The following SLCO3A1 variants were observed in gnomAD, a reference collection of about 807,000 sequenced individuals.
The protein encoded by SLCO3A1 is solute carrier organic anion transporter family member 3A1.
Under a neutral mutation model 63.1 loss-of-function variants are expected in SLCO3A1, and 27 were observed. That is an observed-to-expected ratio of 0.43 (90% CI 0.32 to 0.59). The LOEUF (loss-of-function observed/expected upper bound fraction) is 0.59, where lower values mean the gene tolerates loss of function less well. Ranked by LOEUF, SLCO3A1 falls within the 20% of genes least tolerant of loss-of-function variation. The probability of loss-of-function intolerance (pLI) is 0.09; values close to 1 mark genes in which losing one functional copy is unlikely to be tolerated. For missense variants in SLCO3A1, 773 were observed against 945.8 expected (o/e 0.82, Z 2.40); for synonymous variants, 473 against 409.9 (o/e 1.15, Z -1.86).
intron 2 of SLCO3A1, among the ~76,000 whole-genome samples, chr15:92,026,729 A>G (rs1478836246): frequency 1.3e-5 from 2 of 152,196 alleles, no homozygotes; most frequent in Non-Finnish European, 1.5e-5. Flanking sequence ...TTACACTGGT[A>G]AAGATGGATT....
At chr15:91,957,577 G>C (rs1001780712) in intron 2 of SLCO3A1, among the ~76,000 whole-genome samples, 1 of 152,000 alleles carries the variant, frequency 6.6e-6, no homozygotes, top group African/African-American at 2.4e-5. Context: ...ACATTTTGCT[G>C]TTCCCTCTAC....
intron 2 of SLCO3A1, among the ~76,000 whole-genome samples, chr15:91,964,622 G>T (rs1900587434): frequency 6.6e-6 from 1 of 152,122 alleles, no homozygotes; most frequent in South Asian, 2.1e-4. Flanking sequence ...TGTGGACCAG[G>T]CCGGAAGTGG....
intron 2 of SLCO3A1, among the ~76,000 whole-genome samples, chr15:92,056,216 G>T (rs2047019898): frequency 6.6e-6 from 1 of 151,982 alleles, no homozygotes; most frequent in Non-Finnish European, 1.5e-5. Flanking sequence ...AACCACATTT[G>T]TTCAGCCTTT....
intron 2 of SLCO3A1, among the ~76,000 whole-genome samples, chr15:92,059,055 G>A (rs2047055304): frequency 1.3e-5 from 2 of 152,182 alleles, no homozygotes; most frequent in Non-Finnish European, 2.9e-5. Flanking sequence ...GTATCTGTTT[G>A]AAGGCACTAT....
chr15:92,026,739 T>G (rs907188285), intron 2 of SLCO3A1, among the ~76,000 whole-genome samples: 1 of 152,184 alleles, frequency 6.6e-6, no homozygotes, highest in East Asian at 1.9e-4. Context: ...AAAGATGGAT[T>G]CTGAAAACAA....
At chr15:92,087,511 C>CTAT (rs931355916) in intron 2 of SLCO3A1, among the ~76,000 whole-genome samples, 2 of 144,310 alleles carry the variant, frequency 1.4e-5, no homozygotes, top group African/African-American at 5.3e-5. Flanking sequence ...CTTTTATTAT[C>CTAT]TATTATTTTT....
chr15:92,107,944 GGTCAGTGTC>G (rs2151549280), intron 4 of SLCO3A1, among the ~76,000 whole-genome samples: 1 of 152,326 alleles, frequency 6.6e-6, no homozygotes, highest in East Asian at 1.9e-4. Context: ...AGCTGTGTAA[GGTCAGTGTC>G]ACTGTTTATT....
At chr15:92,102,405 T>C (rs1454057366) in intron 3 of SLCO3A1, among the ~76,000 whole-genome samples, 1 of 149,282 alleles carries the variant, frequency 6.7e-6, no homozygotes, top group Non-Finnish European at 1.5e-5. Context: ...TAACAAGATC[T>C]CTCTCTATAC....
chr15:92,059,433 T>A (rs956841101), intron 2 of SLCO3A1, among the ~76,000 whole-genome samples: 6 of 152,160 alleles, frequency 3.9e-5, no homozygotes, highest in African/African-American at 1.4e-4. Flanking sequence ...GAGTGTCACA[T>A]TCCCCATGCT....
intron 6 of SLCO3A1, 93 bp downstream of exon 6, chr15:92,126,352 A>G (rs2047923173): frequency 2.9e-6 from 3 of 1,049,380 alleles, no homozygotes; most frequent in East Asian, 2.4e-5. Flanking sequence ...CTTTGTTCCT[A>G]GTGACCTGAG....
chr15:92,065,836 G>A (rs2047144445), intron 2 of SLCO3A1, among the ~76,000 whole-genome samples: 1 of 152,144 alleles, frequency 6.6e-6, no homozygotes, highest in Admixed American at 6.5e-5. Flanking sequence ...AACTATTCCT[G>A]GTTTAAAGTG....
At position 92,164,692 on chromosome 15, in the gene SLCO3A1, G is replaced by GTGTT. The variant is rs771133943; in HGVS notation, c.*1558_*1561dup. 1.8e-4 allele frequency: 177 copies of GTGTT among 985,430 alleles called. No individual in the cohort carries two copies. The highest frequency in any genetic ancestry group is 1.6e-3 in the Middle Eastern group (3 of 1,916). The allele number at this position is 985,430 out of a possible 1,614,324, so 61.0% of individuals were successfully genotyped here. On this transcript the variant is annotated 3_prime_UTR_variant, in exon 10 of 10. Transcript: ENST00000318445. ...CGTGAAAATGTCTGTGACATTTTCA[G>GTGTT]TGTTAGTCTTGAACTAAGGCCCTTG... is the stretch of plus-strand genomic sequence containing the variant.
intron 1 of SLCO3A1, among the ~76,000 whole-genome samples, chr15:91,899,232 G>GGA (rs1450871067): frequency 6.6e-6 from 1 of 152,166 alleles, no homozygotes; most frequent in South Asian, 2.1e-4. Context: ...TGTAGAACAG[G>GGA]GAGAGAGAGT....
chr15:92,036,478 T>C (rs2046728945), intron 2 of SLCO3A1, among the ~76,000 whole-genome samples: 1 of 151,930 alleles, frequency 6.6e-6, no homozygotes, highest in Non-Finnish European at 1.5e-5. Flanking sequence ...GTTTAAACAC[T>C]GACAGCTCTG....
intron 2 of SLCO3A1, among the ~76,000 whole-genome samples, chr15:92,052,995 T>C (rs549488836): frequency 6.6e-6 from 1 of 152,344 alleles, no homozygotes; most frequent in Admixed American, 6.5e-5. Context: ...AGTGCGGCTC[T>C]AGAACTTTCC....
Position 91,916,271 on chromosome 15 carries a change from C to T in SLCO3A1, c.459C>T (p.Asn153=), listed in dbSNP as rs776489990. The change falls in exon 2 of 10, where the codon AAC becomes AAT. Residue 153 remains asparagine, a synonymous_variant. Coordinates refer to ENST00000318445, the MANE Select transcript of SLCO3A1 (RefSeq NM_013272.4). This position sits in a 1 kb window ranked among gnomAD's most constrained non-coding sequence, Gnocchi z 6.2. ...GAEGRDVCAA[N]GSGGDEGPDP... is the part of the protein sequence containing the mutation. ...AGGGCCGCGACGTCTGCGCAGCCAA[C>T]GGCTCGGGCGGCGACGAGGGGCCCG... is the stretch of plus-strand genomic sequence containing the variant. 1.9e-6 allele frequency: 3 copies of T among 1,548,876 alleles called. No homozygotes were observed. Among genetic ancestry groups the T allele is most frequent in the African/African-American group, 1.4e-5 (1 of 73,024 alleles).
chr15:91,961,431 A>G (rs183778655), intron 2 of SLCO3A1, among the ~76,000 whole-genome samples: 2 of 152,380 alleles, frequency 1.3e-5, no homozygotes, highest in Non-Finnish European at 2.9e-5. Flanking sequence ...GTGGGGCAGA[A>G]GAACAGCTCT....
At position 92,163,663 on chromosome 15, in the gene SLCO3A1, G is replaced by A. The variant is rs934488805; in HGVS notation, c.*528G>A. ...GGGGGTGGGGGCGGGCGCACAAGTC[G>A]GAGGGGTGGAAGCACCACTCCTCTC... On this transcript the variant is annotated 3_prime_UTR_variant, in exon 10 of 10. Transcript: ENST00000318445. 4.7e-5 allele frequency: 46 copies of A among 985,182 alleles called. No individual in the cohort carries two copies. Among genetic ancestry groups the A allele is most frequent in the Admixed American group, 2.5e-4 (4 of 16,268 alleles). 61.0% of individuals were successfully genotyped at this position (985,182 alleles called of 1,614,324 possible).
intron 2 of SLCO3A1, among the ~76,000 whole-genome samples, chr15:91,979,178 C>G (rs1413916774): frequency 6.6e-6 from 1 of 152,044 alleles, no homozygotes; most frequent in African/African-American, 2.4e-5. Flanking sequence ...AAGCTTGGGA[C>G]CAGAAGTGTT....
Sources: gnomAD v4.1 joint callset for allele counts (sites outside exome capture counted in the v4.1 genomes callset) on GRCh38, gnomAD v4.1.1 for gene constraint, Gnocchi (gnomAD v3.1) non-coding constraint, MANE v1.5 for transcripts, NCBI Gene and HGNC (gene_info 2026-07-23, HGNC 2026-07-21) for gene names.